Variants in SRGAP3 observed in about 807,000 individuals in gnomAD.
SRGAP3 encodes the protein SLIT-ROBO Rho GTPase activating protein 3, also known as SLIT-ROBO Rho GTPase-activating protein 3.
SRGAP3 carries 39 observed loss-of-function variants against 121.1 expected under a neutral mutation model. That is an observed-to-expected ratio of 0.32 (90% CI 0.25 to 0.42). SRGAP3 has a LOEUF of 0.42. Among genes scored for constraint, SRGAP3 ranks in the 10% least tolerant of loss-of-function variants. The probability of loss-of-function intolerance (pLI) is 1.00; values close to 1 mark genes in which losing one functional copy is unlikely to be tolerated. For synonymous variants in SRGAP3, 601 were observed against 570.0 expected, an observed-to-expected ratio of 1.05 and a Z score of -0.77; for missense variants, 1,213 against 1,470.6, an observed-to-expected ratio of 0.82 and a Z score of 2.86.
upstream of SRGAP3, among the ~76,000 whole-genome samples, chr3:9,250,080 G>T (rs765839142): frequency 1.4e-4 from 21 of 152,194 alleles, no homozygotes; most frequent in Admixed American, 5.2e-4. Flanking sequence ...ATGCAGCTTA[G>T]CAAAGCCACG....
chr3:9,237,165 G>A (rs1267757778), intron 1 of SRGAP3, among the ~76,000 whole-genome samples: 1 of 152,148 alleles, frequency 6.6e-6, no homozygotes. Flanking sequence ...ATGTGTTCTT[G>A]TATGCAAAGT....
At chr3:9,331,288 C>T (rs1184397413) in intron 1 of SRGAP3, among the ~76,000 whole-genome samples, 1 of 152,216 alleles carries the variant, frequency 6.6e-6, no homozygotes, top group Non-Finnish European at 1.5e-5. Flanking sequence ...CATTCCCTCT[C>T]TCATTTAATC....
At chr3:9,232,918 T>C (rs1053175443) in intron 1 of SRGAP3, among the ~76,000 whole-genome samples, 4 of 152,182 alleles carry the variant, frequency 2.6e-5, no homozygotes, top group African/African-American at 7.2e-5. Context: ...TTACTAGTAT[T>C]TTCTTTTCCC....
intron 1 of SRGAP3, among the ~76,000 whole-genome samples, chr3:9,183,521 G>A (rs1951494941): frequency 6.6e-6 from 1 of 152,076 alleles, no homozygotes; most frequent in Non-Finnish European, 1.5e-5. Flanking sequence ...ATAAAACATT[G>A]TACACACACA....
intron 3 of SRGAP3, among the ~76,000 whole-genome samples, chr3:9,285,764 A>G (rs1013146510): frequency 1.7e-5 from 2 of 118,094 alleles, no homozygotes; most frequent in African/African-American, 6.4e-5. Context: ...GTGACGCCCC[A>G]CCTCAAAAAA....
intron 3 of SRGAP3, among the ~76,000 whole-genome samples, chr3:9,101,693 G>A (rs1003597721): frequency 1.3e-5 from 2 of 152,172 alleles, no homozygotes; most frequent in African/African-American, 2.4e-5. Context: ...TTCCTCTGAA[G>A]CCCCGCATGC....
intron 3 of SRGAP3, among the ~76,000 whole-genome samples, chr3:9,299,067 A>G (rs865854363): frequency 2.8e-4 from 42 of 148,444 alleles, no homozygotes; most frequent in African/African-American, 6.2e-4. Flanking sequence ...AAAAAAAAAA[A>G]AAAGAAAATA....
Position 9,015,746 on chromosome 3 carries a change from G to T in SRGAP3, c.1679-15C>A. 1 of 1,614,020 alleles carries T rather than the reference G, an allele frequency of 6.2e-7. No individual in the cohort carries two copies. On this transcript the variant is annotated splice_polypyrimidine_tract_variant and intron_variant, in intron 14 of 21. Coordinates refer to ENST00000383836, the MANE Select transcript of SRGAP3 (RefSeq NM_014850.4). ...GGGGTCTTCACCTGAGTGGAAACAA[G>T]AGACGAGATGATATTTCAGCTTGGG...
intron 1 of SRGAP3, among the ~76,000 whole-genome samples, chr3:9,191,024 C>T (rs928860610): frequency 6.6e-6 from 1 of 152,180 alleles, no homozygotes; most frequent in Non-Finnish European, 1.5e-5. Flanking sequence ...TTACTCCATC[C>T]CTACCCCACC....
intron 1 of SRGAP3, among the ~76,000 whole-genome samples, chr3:9,152,187 T>A (rs1252964993): frequency 6.6e-6 from 1 of 152,222 alleles, no homozygotes; most frequent in Non-Finnish European, 1.5e-5. Flanking sequence ...AATGTCCTTG[T>A]TAAATCCTTA....
chr3:9,129,909 CG>C (rs1949380508), intron 1 of SRGAP3, among the ~76,000 whole-genome samples: 1 of 151,812 alleles, frequency 6.6e-6, no homozygotes, highest in Admixed American at 6.6e-5. Context: ...TTATAGGCAC[CG>C]GCCACCACAC....
intron 9 of SRGAP3, chr3:9,049,191 G>A (rs538469804): frequency 1.5e-5 from 5 of 337,700 alleles, no homozygotes; most frequent in African/African-American, 1.1e-4. Context: ...ACAGCTATGG[G>A]GGAAAGACCC....
intron 3 of SRGAP3, among the ~76,000 whole-genome samples, chr3:9,300,462 T>G (rs1183358038): frequency 6.6e-6 from 1 of 151,948 alleles, no homozygotes; most frequent in Non-Finnish European, 1.5e-5. Flanking sequence ...TGTGCTCCTT[T>G]GGGCACCTCG....
chr3:9,099,647 G>A (rs1285460953), intron 3 of SRGAP3, among the ~76,000 whole-genome samples: 1 of 152,202 alleles, frequency 6.6e-6, no homozygotes, highest in African/African-American at 2.4e-5. Flanking sequence ...GAGGAGGTTG[G>A]ACTAGGAGTC....
At chr3:9,227,467 G>A (rs1953031627) in intron 1 of SRGAP3, among the ~76,000 whole-genome samples, 1 of 152,170 alleles carries the variant, frequency 6.6e-6, no homozygotes, top group Admixed American at 6.5e-5. Flanking sequence ...TCCAATGGGT[G>A]CCCATTTGAA....
At chr3:9,138,156 A>G (rs1949728865) in intron 1 of SRGAP3, among the ~76,000 whole-genome samples, 1 of 152,184 alleles carries the variant, frequency 6.6e-6, no homozygotes, top group African/African-American at 2.4e-5. Context: ...ATCTTTCCCA[A>G]ACTTCACAGC....
At chr3:9,075,111 T>A (rs957437544) in intron 4 of SRGAP3, among the ~76,000 whole-genome samples, 1 of 152,158 alleles carries the variant, frequency 6.6e-6, no homozygotes, top group African/African-American at 2.4e-5. Flanking sequence ...GGCTTACAGT[T>A]TGTGAGTTGT....
intron 3 of SRGAP3, among the ~76,000 whole-genome samples, chr3:9,289,783 T>C (rs1314861564): frequency 6.6e-6 from 1 of 152,080 alleles, no homozygotes; most frequent in African/African-American, 2.4e-5. Flanking sequence ...CTCCCGTAAC[T>C]GAGACAATGA....
rs759413185 is a variant in SRGAP3 at position 9,097,625 on chromosome 3, C to T, written c.423+7055G>A. Among the ~76,000 whole-genome samples the T allele has an allele frequency of 3.3e-5, 5 of 152,202 alleles. No homozygotes were observed. The South Asian group carries it at 6.2e-4, about 19-fold the overall frequency. On this transcript the variant is annotated intron_variant, in intron 3 of 21. Coordinates refer to ENST00000383836, the MANE Select transcript of SRGAP3 (RefSeq NM_014850.4). ...CAAATCTCTGCACATCTGTTGTGGA[C>T]GCTGTGACGCACCACTCAGATCCCC... is the stretch of plus-strand genomic sequence containing the variant.
Sources: gnomAD v4.1 joint callset for allele counts (sites outside exome capture counted in the v4.1 genomes callset) on GRCh38, gnomAD v4.1.1 for gene constraint, MANE v1.5 for transcripts, NCBI Gene and HGNC (gene_info 2026-07-23, HGNC 2026-07-21) for gene names.